The following ZNF845 variants were observed in gnomAD, a reference collection of about 807,000 sequenced individuals.
ZNF845 encodes zinc finger protein 845.
Under a neutral mutation model 76.1 loss-of-function variants are expected in ZNF845, and 59 were observed. The ratio of observed to expected loss-of-function variants is 0.78; its 90% confidence interval spans 0.63 to 0.96. ZNF845 has a LOEUF of 0.96. Ranked by LOEUF, ZNF845 falls within the 40% of genes least tolerant of loss-of-function variation. The pLI is 0.00. For missense variants in ZNF845, 1,045 were observed against 1,172.8 expected, an observed-to-expected ratio of 0.89 and a Z score of 1.59; for synonymous variants, 361 against 386.9, an observed-to-expected ratio of 0.93 and a Z score of 0.78.
At chr19:53,346,372 C>T (rs778486740) in intron 3 of ZNF845, 89 of 281,170 alleles carry the variant, frequency 3.2e-4, no homozygotes, top group African/African-American at 2.6e-4. Context: ...TCACCGCAGC[C>T]GGCTTCGCTC....
chr19:53,337,063 G>C (rs1476459218), intron 1 of ZNF845: 1 of 456,386 alleles, frequency 2.2e-6, no homozygotes, highest in African/African-American at 2.0e-5. Context: ...CCATAGCCCT[G>C]TGTCCAGGGC....
intron 1 of ZNF845, among the ~76,000 whole-genome samples, chr19:53,334,956 G>A (rs2085203079): frequency 6.6e-6 from 1 of 152,108 alleles, no homozygotes. Context: ...GAGTGGGTGA[G>A]TTCATTGGAT....
rs1396469513 is a variant in ZNF845, at chr19:53,352,393, A to G, written c.1718A>G (p.His573Arg). 1 of 1,613,888 alleles carries G rather than the reference A, an allele frequency of 6.2e-7. No individual in the cohort carries two copies. Among genetic ancestry groups the G allele is most frequent in the South Asian group, 1.1e-5 (1 of 91,068 alleles). ...GCACTTATTTACCATCAAGCAATCC[A>G]TGGTATAGGGAAACTTTACAAATGT... ...QSALIYHQAI[H>R]GIGKLYKCND... Residue 573 changes from histidine to arginine, a missense_variant, in exon 4 of 4, where the codon CAT becomes CGT. By Grantham distance (29) the His-to-Arg change is conservative. Coordinates refer to ENST00000458035, the MANE Select transcript of ZNF845 (RefSeq NM_138374.3).
chr19:53,352,791 C>T lies in ZNF845; in HGVS notation c.2116C>T (p.Leu706Phe), dbSNP rs1448572195. 1 of 1,613,942 alleles carries T rather than the reference C, an allele frequency of 6.2e-7. No homozygotes were observed. Among genetic ancestry groups the T allele is most frequent in the African/African-American group, 1.3e-5 (1 of 74,886 alleles). Reference protein sequence around the residue: ...CGKTFGRNSALIIHKAIHTGE... With the variant: ...CGKTFGRNSAFIIHKAIHTGE... ...CAAGACCTTCGGTCGAAATTCAGCC[C>T]TTATAATTCACAAGGCAATTCATAC... The change falls in exon 4 of 4, where the codon CTT becomes TTT. Residue 706 changes from leucine (L) to phenylalanine (F), a missense_variant. By Grantham distance (22) the Leu-to-Phe change is conservative (BLOSUM62 0). Coordinates refer to ENST00000458035, the MANE Select transcript of ZNF845 (RefSeq NM_138374.3).
intron 3 of ZNF845, among the ~76,000 whole-genome samples, chr19:53,349,087 T>A (rs2085316400): frequency 1.3e-5 from 2 of 152,038 alleles, no homozygotes; most frequent in African/African-American, 4.8e-5. Context: ...CTTGAACTCC[T>A]GACCTTGTAT....
chr19:53,338,694 GCACACA>G (rs57616883), intron 1 of ZNF845, among the ~76,000 whole-genome samples: 81,510 of 135,676 alleles, frequency 0.6, 25,177 homozygotes, highest in African/African-American at 0.66. Flanking sequence ...CAACACGTGA[GCACACA>G]CACACACACA....
intron 1 of ZNF845, among the ~76,000 whole-genome samples, chr19:53,338,694 G>GCA (rs57616883): frequency 0.041 from 5,734 of 140,396 alleles, 181 homozygotes; most frequent in African/African-American, 0.078. Context: ...CAACACGTGA[G>GCA]CACACACACA....
rs531261075 is a variant in ZNF845 at position 53,336,422 on chromosome 19, A to G, written c.-74+2630A>G. ...CTGCTCGGGAGCCTGAGGCATGAGA[A>G]TCACATGAACTTGGGAGGTAGAGGT... On this transcript the variant is annotated intron_variant, in intron 1 of 3. Coordinates refer to ENST00000458035, the MANE Select transcript of ZNF845 (RefSeq NM_138374.3). Among the ~76,000 whole-genome samples the G allele has an allele frequency of 9.2e-5, 14 of 152,172 alleles. No individual in the cohort carries two copies. In the South Asian group the frequency reaches 2.9e-3, roughly 32 times the overall value.
intron 1 of ZNF845, among the ~76,000 whole-genome samples, chr19:53,338,615 A>C (rs1389702039): frequency 6.8e-6 from 1 of 147,518 alleles, no homozygotes; most frequent in Non-Finnish European, 1.5e-5. Context: ...CGTGAACTGC[A>C]GCCCGAGGGC....
chr19:53,353,839 C>T lies in ZNF845; in HGVS notation c.*251C>T. 3 of 1,385,086 alleles carry T rather than the reference C, an allele frequency of 2.2e-6. No homozygotes were observed. The highest frequency in any genetic ancestry group is 2.9e-6 in the Non-Finnish European group (3 of 1,021,914). The allele number at this position is 1,385,086 out of a possible 1,614,324, so 85.8% of individuals were successfully genotyped here. On this transcript the variant is annotated 3_prime_UTR_variant, in exon 4 of 4. Transcript: ENST00000458035. ...CAATCCATGGTATAGGGAAACTTTACTAATGTAATGATTATCACAAAGTCT... is the reference window on the plus strand; with the variant it reads ...CAATCCATGGTATAGGGAAACTTTATTAATGTAATGATTATCACAAAGTCT...
Position 53,352,509 on chromosome 19 carries a change from T to A in ZNF845, c.1834T>A (p.Cys612Ser). The A allele has an allele frequency of 6.2e-7, 1 of 1,609,380 alleles. No individual in the cohort carries two copies. The highest frequency in any genetic ancestry group is 1.3e-5 in the African/African-American group (1 of 74,864). The change falls in exon 4 of 4, where the codon TGT becomes AGT. Residue 612 changes from cysteine (C) to serine (S), a missense_variant. Coordinates refer to ENST00000458035, the MANE Select transcript of ZNF845 (RefSeq NM_138374.3). ...NEERSYKCNRCGKFFRHRSYL... is the reference protein window; with the variant it reads ...NEERSYKCNRSGKFFRHRSYL... Reference sequence around the variant, plus strand: ...AGAGAGATCGTACAAGTGTAATAGATGTGGCAAATTTTTCAGACATCGTTC... The same window carrying A: ...AGAGAGATCGTACAAGTGTAATAGAAGTGGCAAATTTTTCAGACATCGTTC...
chr19:53,353,430 G>A lies in ZNF845; in HGVS notation c.2755G>A (p.Glu919Lys). Residue 919 changes from glutamate to lysine, a missense_variant, in exon 4 of 4, where the codon GAG becomes AAG. Coordinates refer to ENST00000458035, the MANE Select transcript of ZNF845 (RefSeq NM_138374.3). ...TGGAGAGAAACCTTACAAGTGTAAT[G>A]AGTGTGGCAAAACCTTCCGTCACAA... is the stretch of plus-strand genomic sequence containing the variant. ...HTGEKPYKCN[E>K]CGKTFRHNSV... The A allele has an allele frequency of 6.2e-7, 1 of 1,613,800 alleles. No homozygotes were observed. The highest frequency in any genetic ancestry group is 8.5e-7 in the Non-Finnish European group (1 of 1,179,888).
intron 3 of ZNF845, chr19:53,346,390 C>CA: frequency 2.3e-6 from 1 of 426,814 alleles, no homozygotes; most frequent in South Asian, 1.6e-5. Flanking sequence ...CTCTCGTGCT[C>CA]AAAAAATTCT....
chr19:53,347,772 C>G (rs2085307092), intron 3 of ZNF845, among the ~76,000 whole-genome samples: 1 of 152,132 alleles, frequency 6.6e-6, no homozygotes. Context: ...CTTAGACTGG[C>G]CAGCCAAGGT....
intron 1 of ZNF845, among the ~76,000 whole-genome samples, chr19:53,339,662 G>A (rs1415854581): frequency 6.6e-6 from 1 of 152,222 alleles, no homozygotes; most frequent in South Asian, 2.1e-4. Context: ...CAGCCAGGAA[G>A]CCTCTCCTCT....
rs183885416 is a variant in ZNF845 at position 53,345,700 on chromosome 19, A to G, written c.142+68A>G. On this transcript the variant is annotated intron_variant, in intron 3 of 3. Coordinates refer to ENST00000458035, the MANE Select transcript of ZNF845 (RefSeq NM_138374.3). ...TATCTTTGTATTTTCTCTTTTTTTT[A>G]GATACAATGTCTTGCTCTGTCACCC... 8 of 1,601,048 alleles carry G rather than the reference A, an allele frequency of 5.0e-6. No individual in the cohort carries two copies. In the African/African-American group the frequency reaches 1.1e-4, roughly 22 times the overall value.
chr19:53,343,471 C>A (rs1178671647), intron 2 of ZNF845, among the ~76,000 whole-genome samples: 2 of 152,138 alleles, frequency 1.3e-5, no homozygotes, highest in Non-Finnish European at 2.9e-5. Flanking sequence ...GGGGCATTCC[C>A]TGTTTTCTTA....
At chr19:53,333,976 A>C (rs2085194206) in intron 1 of ZNF845, among the ~76,000 whole-genome samples, 184 bp downstream of exon 1, 1 of 152,196 alleles carries the variant, frequency 6.6e-6, no homozygotes, top group Non-Finnish European at 1.5e-5. Context: ...CGCCCTGAGG[A>C]TGGTCCCTTC....
At chr19:53,340,154 C>T (rs561049565) in intron 1 of ZNF845, among the ~76,000 whole-genome samples, 30 of 152,310 alleles carry the variant, frequency 2.0e-4, no homozygotes, top group Admixed American at 8.5e-4. Flanking sequence ...GGAGTTTAAG[C>T]GATTCTCATG....
Sources: allele counts gnomAD v4.1 joint callset (sites outside exome capture counted in the v4.1 genomes callset), GRCh38; gene constraint gnomAD v4.1.1; transcripts MANE v1.5; gene names NCBI Gene and HGNC (gene_info 2026-07-23, HGNC 2026-07-21).